Variants in ULK4 observed in about 807,000 individuals in gnomAD.
ULK4 encodes the protein unc-51 like kinase 4, also known as inactive serine/threonine-protein kinase ULK4.
A neutral mutation model predicts 160.6 loss-of-function variants in ULK4; 133 were observed. The ratio of observed to expected loss-of-function variants is 0.83; its 90% CI spans 0.72 to 0.96. The LOEUF (loss-of-function observed/expected upper bound fraction) is 0.96. ULK4 is among the 40% of genes least tolerant of loss of function. The pLI, the probability that ULK4 is intolerant of heterozygous loss-of-function variation, is 0.00. For synonymous variants in ULK4, 534 were observed against 539.8 expected (o/e 0.99, Z 0.15); for missense variants, 1,580 against 1,499.5 (o/e 1.05, Z -0.89).
At position 41,828,613 on chromosome 3, in the gene ULK4, G is replaced by A. The variant is rs540494612; in HGVS notation, c.1764+7251C>T. Among the ~76,000 whole-genome samples, 34 of 145,474 alleles carry A rather than the reference G, an allele frequency of 2.3e-4. 1 individual carries two copies. In the East Asian group the frequency reaches 6.5e-3, roughly 28 times the overall value. ...GGGATGTCAAGGACCTCTTCAAGGA[G>A]AACTAGAAACCAATGCTCAATGAAA... is the stretch of plus-strand genomic sequence containing the variant. On this transcript the variant is annotated intron_variant, in intron 18 of 36. Coordinates refer to ENST00000301831, the MANE Select transcript of ULK4 (RefSeq NM_017886.4).
chr3:41,799,179 C>G (rs1270436059), intron 20 of ULK4, among the ~76,000 whole-genome samples: 5 of 151,912 alleles, frequency 3.3e-5, no homozygotes, highest in Non-Finnish European at 2.9e-5. Context: ...TAGAGAAATA[C>G]AACAAGGATG....
intron 22 of ULK4, among the ~76,000 whole-genome samples, chr3:41,736,062 G>A (rs997803079): frequency 2.0e-5 from 3 of 151,482 alleles, no homozygotes; most frequent in Non-Finnish European, 4.4e-5. Context: ...TGGTGTATAT[G>A]TGCCACATTT....
chr3:41,585,427 CTT>C (rs1353946282), intron 31 of ULK4, among the ~76,000 whole-genome samples: 1 of 152,160 alleles, frequency 6.6e-6, no homozygotes, highest in Non-Finnish European at 1.5e-5. Flanking sequence ...ATGAGATACT[CTT>C]TTCAACAAAT....
intron 34 of ULK4, among the ~76,000 whole-genome samples, chr3:41,452,608 A>G (rs765610943): frequency 2.6e-5 from 4 of 152,212 alleles, no homozygotes; most frequent in Non-Finnish European, 4.4e-5. Flanking sequence ...ATATAACTAC[A>G]TAAAACAGAA....
At chr3:41,750,209 G>A (rs2038569601) in intron 22 of ULK4, among the ~76,000 whole-genome samples, 1 of 152,226 alleles carries the variant, frequency 6.6e-6, no homozygotes, top group African/African-American at 2.4e-5. Flanking sequence ...TAATGATGGA[G>A]TCTGGTAATT....
In ULK4 at chr3:41,935,825, G is replaced by C; in HGVS notation, c.354C>G (p.Leu118=). The change falls in exon 4 of 37, where the codon CTC becomes CTG. Residue 118 remains leucine, a synonymous_variant. Transcript: ENST00000301831. ...GLHHLHKLGI[L]FCDISPRKIL... is the part of the protein sequence containing the mutation. ...CCTTCCTAGGAGAAATGTCACAAAA[G>C]AGAATGCCAAGTTTATGAAGATGAT... The C allele has an allele frequency of 6.2e-7, 1 of 1,611,608 alleles. No homozygotes were observed. Among genetic ancestry groups the C allele is most frequent in the African/African-American group, 1.3e-5 (1 of 74,862 alleles).
intron 7 of ULK4, 117 bp downstream of exon 7, chr3:41,918,340 C>A: frequency 1.7e-6 from 1 of 602,810 alleles, no homozygotes; most frequent in Non-Finnish European, 2.8e-6. Flanking sequence ...AACTTGGGAT[C>A]ATTTATAAAA....
intron 35 of ULK4, among the ~76,000 whole-genome samples, chr3:41,339,951 C>T (rs1201379864): frequency 6.6e-6 from 1 of 152,132 alleles, no homozygotes; most frequent in Non-Finnish European, 1.5e-5. Flanking sequence ...AATAAAGTAT[C>T]CACCTAAGCA....
intron 21 of ULK4, among the ~76,000 whole-genome samples, chr3:41,776,924 A>C (rs1398337694): frequency 1.8e-5 from 1 of 57,028 alleles, no homozygotes; most frequent in African/African-American, 9.7e-5. Context: ...TATCAGAATG[A>C]TGCTGGCCTC....
intron 35 of ULK4, among the ~76,000 whole-genome samples, chr3:41,386,792 GC>G (rs917195350): frequency 6.6e-6 from 1 of 152,160 alleles, no homozygotes; most frequent in African/African-American, 2.4e-5. Flanking sequence ...AAAGTAGAGA[GC>G]TGATGTGTGG....
chr3:41,845,520 A>G (rs1364012863), intron 17 of ULK4, among the ~76,000 whole-genome samples: 1 of 152,216 alleles, frequency 6.6e-6, no homozygotes, highest in Non-Finnish European at 1.5e-5. Flanking sequence ...GGTGGAGGGC[A>G]GCACACACAG....
intron 23 of ULK4, among the ~76,000 whole-genome samples, chr3:41,717,402 C>A (rs755960286): frequency 6.6e-6 from 1 of 151,830 alleles, no homozygotes; most frequent in African/African-American, 2.4e-5. Context: ...AAAAAACTTA[C>A]GAAAAGTTAC....
intron 35 of ULK4, among the ~76,000 whole-genome samples, chr3:41,351,540 T>C (rs1272153079): frequency 6.6e-6 from 1 of 152,226 alleles, no homozygotes; most frequent in African/African-American, 2.4e-5. Context: ...GGTTGGTATT[T>C]GAGAGGGCAC....
intron 35 of ULK4, among the ~76,000 whole-genome samples, chr3:41,359,974 T>C (rs1375648907): frequency 2.6e-5 from 4 of 151,982 alleles, no homozygotes; most frequent in African/African-American, 9.7e-5. Context: ...GAAACTCTCA[T>C]TAGAGTGAAC....
At chr3:41,545,098 T>C (rs1448243755) in intron 32 of ULK4, among the ~76,000 whole-genome samples, 1 of 152,212 alleles carries the variant, frequency 6.6e-6, no homozygotes, top group African/African-American at 2.4e-5. Context: ...GTTGGTTTTA[T>C]TGTGCGGCAG....
At chr3:41,937,158 G>A (rs1231375635) in intron 3 of ULK4, 2 of 457,164 alleles carry the variant, frequency 4.4e-6, no homozygotes, top group Non-Finnish European at 7.8e-6. Flanking sequence ...AGAGGTATTT[G>A]GGGTTTTATT....
At chr3:41,751,505 G>C (rs1310305623) in intron 22 of ULK4, among the ~76,000 whole-genome samples, 1 of 152,158 alleles carries the variant, frequency 6.6e-6, no homozygotes, top group Non-Finnish European at 1.5e-5. Context: ...CACTCATCCT[G>C]TTTGTTGTGT....
At chr3:41,699,260 G>C (rs552543998) in intron 27 of ULK4, among the ~76,000 whole-genome samples, 1 of 152,136 alleles carries the variant, frequency 6.6e-6, no homozygotes, top group Non-Finnish European at 1.5e-5. Flanking sequence ...CCAACACTAA[G>C]TATTAACTCA....
intron 29 of ULK4, among the ~76,000 whole-genome samples, chr3:41,671,113 T>G (rs997962594): frequency 3.9e-5 from 6 of 152,104 alleles, no homozygotes; most frequent in African/African-American, 1.4e-4. Flanking sequence ...AAATATCCCA[T>G]GCTCACAGAT....
Sources: gnomAD v4.1 joint callset for allele counts (sites outside exome capture counted in the v4.1 genomes callset) on GRCh38, gnomAD v4.1.1 for gene constraint, MANE v1.5 for transcripts, NCBI Gene and HGNC (gene_info 2026-07-23, HGNC 2026-07-21) for gene names.